The following TRPC7 variants were observed in gnomAD, a reference collection of about 807,000 sequenced individuals.
TRPC7 encodes the protein short transient receptor potential channel 7.
In TRPC7, 42 loss-of-function variants were observed where a neutral mutation model predicts 90.1. The ratio of observed to expected loss-of-function variants is 0.47; its 90% CI spans 0.36 to 0.60. The LOEUF (loss-of-function observed/expected upper bound fraction) is 0.60, where lower values mean the gene tolerates loss of function less well. Among genes scored for constraint, TRPC7 ranks in the 20% least tolerant of loss-of-function variants. The pLI is 0.00. For synonymous variants in TRPC7, 451 were observed against 436.3 expected, an observed-to-expected ratio of 1.03 and a Z score of -0.42; for missense variants, 955 against 1,112.3, an observed-to-expected ratio of 0.86 and a Z score of 2.01.
At chr5:136,265,646 A>T (rs1756998712) in intron 5 of TRPC7, among the ~76,000 whole-genome samples, 1 of 152,202 alleles carries the variant, frequency 6.6e-6, no homozygotes, top group Admixed American at 6.5e-5. Context: ...GAAATTGGGA[A>T]CAATTTCCTT....
intron 7 of TRPC7, among the ~76,000 whole-genome samples, chr5:136,232,288 GA>G (rs2149797495): frequency 6.6e-6 from 1 of 152,266 alleles, no homozygotes; most frequent in Non-Finnish European, 1.5e-5. Flanking sequence ...CAGACACCTG[GA>G]AAGTGGGCAG....
intron 7 of TRPC7, among the ~76,000 whole-genome samples, chr5:136,246,212 T>C (rs1261575075): frequency 6.6e-6 from 1 of 152,232 alleles, no homozygotes; most frequent in Non-Finnish European, 1.5e-5. Flanking sequence ...CTCCTGCCTC[T>C]CTCACATGGG....
chr5:136,356,468 C>T, intron 2 of TRPC7, 140 bp downstream of exon 2: 1 of 836,122 alleles, frequency 1.2e-6, no homozygotes, highest in Non-Finnish European at 1.7e-6. Flanking sequence ...GAGATGTGTT[C>T]CCCTCCTCCC....
At chr5:136,292,994 G>A (rs1388817262) in intron 3 of TRPC7, among the ~76,000 whole-genome samples, 1 of 152,150 alleles carries the variant, frequency 6.6e-6, no homozygotes, top group Non-Finnish European at 1.5e-5. Context: ...TTCAACGTAT[G>A]AAAATCAATA....
At chr5:136,263,407 C>T (rs72794982) in intron 5 of TRPC7, among the ~76,000 whole-genome samples, 1 of 152,116 alleles carries the variant, frequency 6.6e-6, no homozygotes, top group African/African-American at 2.4e-5. Flanking sequence ...ATGCGGAGTG[C>T]CCATCATTCA....
At chr5:136,322,304 A>G (rs992744020) in intron 2 of TRPC7, among the ~76,000 whole-genome samples, 1 of 152,154 alleles carries the variant, frequency 6.6e-6, no homozygotes, top group Non-Finnish European at 1.5e-5. Context: ...ATAAGCCACC[A>G]TACCTGGCTA....
At chr5:136,231,660 A>G in intron 7 of TRPC7, 111 bp from the exon 8 acceptor site, 1 of 1,014,974 alleles carries the variant, frequency 9.9e-7, no homozygotes, top group Non-Finnish European at 1.4e-6. Flanking sequence ...GCTGGAGTGC[A>G]GTGGCTCAAT....
intron 2 of TRPC7, among the ~76,000 whole-genome samples, chr5:136,324,243 G>A (rs1350998396): frequency 1.3e-5 from 2 of 152,084 alleles, no homozygotes; most frequent in Non-Finnish European, 2.9e-5. Context: ...AATATGGATT[G>A]TTGACCTTGA....
At chr5:136,290,991 A>G (rs1757926883) in intron 3 of TRPC7, among the ~76,000 whole-genome samples, 1 of 152,248 alleles carries the variant, frequency 6.6e-6, no homozygotes. Flanking sequence ...AATATTCAAC[A>G]TTCTGAAAGA....
At chr5:136,306,079 A>G (rs1266521921) in intron 3 of TRPC7, among the ~76,000 whole-genome samples, 1 of 151,992 alleles carries the variant, frequency 6.6e-6, no homozygotes, top group Admixed American at 6.6e-5. Flanking sequence ...ATTCTCAACT[A>G]CTTATACATG....
At chr5:136,259,366 A>T (rs1756782628) in intron 5 of TRPC7, among the ~76,000 whole-genome samples, 1 of 152,202 alleles carries the variant, frequency 6.6e-6, no homozygotes, top group Non-Finnish European at 1.5e-5. Flanking sequence ...CACTTAACAG[A>T]CATTGTTGAG....
rs144080283 is a variant in TRPC7 at position 136,220,563 on chromosome 5, G to A, written c.2344-4288C>T. Among the ~76,000 whole-genome samples the A allele has an allele frequency of 7.0e-3, 1,073 of 152,246 alleles. 17 individuals carry two copies. The highest frequency in any genetic ancestry group is 0.025 in the African/African-American group (1,020 of 41,528). On this transcript the variant is annotated intron_variant, in intron 10 of 11. Coordinates refer to ENST00000513104, the MANE Select transcript of TRPC7 (RefSeq NM_020389.3). ...GAGGTCAGACCAGTTTTTTGCTCTC[G>A]AACCCTGTTTTCTGTTGTTTAAGAT...
At chr5:136,359,167 A>T (rs1455676973) in intron 1 of TRPC7, among the ~76,000 whole-genome samples, 1 of 152,124 alleles carries the variant, frequency 6.6e-6, no homozygotes, top group Non-Finnish European at 1.5e-5. Flanking sequence ...GTACCTTTCG[A>T]CCTGCTCAAA....
intron 4 of TRPC7, among the ~76,000 whole-genome samples, chr5:136,272,385 A>G (rs932726014): frequency 6.6e-6 from 1 of 152,220 alleles, no homozygotes; most frequent in Non-Finnish European, 1.5e-5. Flanking sequence ...ATTCCCAGTA[A>G]TATCTCTGCC....
At chr5:136,276,625 G>A (rs1185899091) in intron 3 of TRPC7, among the ~76,000 whole-genome samples, 2 of 152,202 alleles carry the variant, frequency 1.3e-5, no homozygotes, top group South Asian at 2.1e-4. Context: ...ACCATTACTT[G>A]AAATATTAGA....
At chr5:136,241,612 G>A (rs1206379040) in intron 7 of TRPC7, among the ~76,000 whole-genome samples, 1 of 151,742 alleles carries the variant, frequency 6.6e-6, no homozygotes, top group African/African-American at 2.4e-5. Flanking sequence ...CTGCAGTGCA[G>A]TGACACAATC....
At chr5:136,274,485 AG>A (rs1476986242) in intron 4 of TRPC7, among the ~76,000 whole-genome samples, 187 bp downstream of exon 4, 1 of 152,136 alleles carries the variant, frequency 6.6e-6, no homozygotes, top group Non-Finnish European at 1.5e-5. Context: ...GAAAAAAAAA[AG>A]ATTTAAAAAA....
chr5:136,252,947 G>A (rs947911204), intron 5 of TRPC7, among the ~76,000 whole-genome samples: 8 of 152,192 alleles, frequency 5.3e-5, no homozygotes, highest in Non-Finnish European at 8.8e-5. Flanking sequence ...TAGTTGATGA[G>A]TATCCTTCTA....
chr5:136,219,967 G>A (rs7731338), intron 10 of TRPC7, among the ~76,000 whole-genome samples: 67,756 of 152,042 alleles, frequency 0.45, 15,109 homozygotes, highest in South Asian at 0.5. Flanking sequence ...TGGAGGGAAC[G>A]GCTGGAGCTG....
Sources: allele counts gnomAD v4.1 joint callset (sites outside exome capture counted in the v4.1 genomes callset), GRCh38; gene constraint gnomAD v4.1.1; transcripts MANE v1.5; gene names NCBI Gene and HGNC (gene_info 2026-07-23, HGNC 2026-07-21).